The following WWOX variants were observed in gnomAD, a reference collection of about 807,000 sequenced individuals.
WWOX encodes the protein WW domain-containing oxidoreductase.
Under a neutral mutation model 46.2 loss-of-function variants are expected in WWOX, and 69 were observed. That is an observed-to-expected ratio of 1.49 (90% confidence interval 1.23 to 1.82). The LOEUF is 1.82. WWOX is among the 40% of genes most tolerant of loss of function. WWOX has a pLI of 0.00. For missense variants in WWOX, 919 were observed against 542.6 expected (o/e 1.69, Z -6.89); for synonymous variants, 359 against 202.6 (o/e 1.77, Z -6.56).
intron 5 of WWOX, among the ~76,000 whole-genome samples, chr16:78,381,616 T>C (rs1567538323): frequency 6.6e-6 from 1 of 152,206 alleles, no homozygotes; most frequent in Non-Finnish European, 1.5e-5. Context: ...TTGCCTGAGA[T>C]AAGCTTGTAC....
chr16:78,332,587 T>G (rs1443073668), intron 5 of WWOX, among the ~76,000 whole-genome samples: 1 of 152,218 alleles, frequency 6.6e-6, no homozygotes, highest in Non-Finnish European at 1.5e-5. Flanking sequence ...TTTATATAGT[T>G]CAATTAAGCG....
intron 8 of WWOX, among the ~76,000 whole-genome samples, chr16:78,452,549 C>G (rs772372859): frequency 1.4e-5 from 2 of 143,472 alleles, no homozygotes; most frequent in African/African-American, 5.3e-5. Context: ...GATCTTGGCT[C>G]ATTGCAACCT....
intron 8 of WWOX, among the ~76,000 whole-genome samples, chr16:78,736,693 G>A (rs943166884): frequency 6.6e-6 from 1 of 152,066 alleles, no homozygotes; most frequent in African/African-American, 2.4e-5. Context: ...AAACTTCTAG[G>A]CTGAAGTGAT....
At chr16:78,249,831 T>C (rs1454272254) in intron 5 of WWOX, among the ~76,000 whole-genome samples, 1 of 51,742 alleles carries the variant, frequency 1.9e-5, no homozygotes, top group Non-Finnish European at 3.9e-5. Flanking sequence ...GAGATGGCTG[T>C]GGGGTGGGGG....
intron 5 of WWOX, among the ~76,000 whole-genome samples, chr16:78,248,227 A>G (rs1229710465): frequency 1.3e-5 from 2 of 152,132 alleles, no homozygotes; most frequent in African/African-American, 4.8e-5. Flanking sequence ...GAAACTTACA[A>G]TCATGGTGGA....
chr16:78,744,790 A>G (rs1435065585), intron 8 of WWOX, among the ~76,000 whole-genome samples: 2 of 152,146 alleles, frequency 1.3e-5, no homozygotes, highest in Non-Finnish European at 2.9e-5. Flanking sequence ...TATTAATTAC[A>G]AGGGAGATTA....
At chr16:78,839,362 C>G (rs914292051) in intron 8 of WWOX, among the ~76,000 whole-genome samples, 6 of 152,098 alleles carry the variant, frequency 3.9e-5, no homozygotes, top group African/African-American at 1.4e-4. Context: ...CCAACCTTTT[C>G]ATGTCCTCAG....
intron 8 of WWOX, among the ~76,000 whole-genome samples, chr16:79,083,621 T>C (rs2048801806): frequency 6.6e-6 from 1 of 152,208 alleles, no homozygotes; most frequent in African/African-American, 2.4e-5. Flanking sequence ...CAGGCTCTAA[T>C]GCACGATAAG....
intron 5 of WWOX, among the ~76,000 whole-genome samples, chr16:78,363,146 TTGTGTGTG>T (rs60731117): frequency 6.6e-6 from 1 of 150,766 alleles, no homozygotes; most frequent in Non-Finnish European, 1.5e-5. Flanking sequence ...GTGTATGTGT[TTGTGTGTG>T]TGTGTGTGTA....
chr16:79,159,349 C>G (rs530324256), intron 8 of WWOX, among the ~76,000 whole-genome samples: 42 of 152,254 alleles, frequency 2.8e-4, no homozygotes, highest in African/African-American at 9.6e-4. Context: ...ATTTAATTAG[C>G]TAAATGTTCC....
intron 5 of WWOX, among the ~76,000 whole-genome samples, chr16:78,192,491 CAAA>C (rs56109773): frequency 4.6e-5 from 4 of 87,514 alleles, no homozygotes; most frequent in Admixed American, 4.1e-4. Flanking sequence ...GACTCCGTCT[CAAA>C]AAAAAAAAAA....
intron 5 of WWOX, among the ~76,000 whole-genome samples, chr16:78,254,029 G>A (rs569640190): frequency 2.6e-5 from 4 of 152,152 alleles, no homozygotes; most frequent in Non-Finnish European, 4.4e-5. Context: ...ACTTTTGAGA[G>A]GTCTCTGTGT....
At chr16:79,160,117 CG>C (rs2050456526) in intron 8 of WWOX, among the ~76,000 whole-genome samples, 1 of 152,212 alleles carries the variant, frequency 6.6e-6, no homozygotes, top group Non-Finnish European at 1.5e-5. Context: ...TAAATTCACT[CG>C]GCAAGAAGCC....
At chr16:79,003,561 A>C (rs983014364) in intron 8 of WWOX, among the ~76,000 whole-genome samples, 3 of 151,976 alleles carry the variant, frequency 2.0e-5, no homozygotes, top group Non-Finnish European at 4.4e-5. Context: ...CTGTTGATGG[A>C]GGTCATTTAG....
chr16:78,942,411 G>C (rs1047928463), intron 8 of WWOX, among the ~76,000 whole-genome samples: 1 of 152,106 alleles, frequency 6.6e-6, no homozygotes, highest in African/African-American at 2.4e-5. Context: ...GAGCAGTTTT[G>C]AGGACACACT....
intron 5 of WWOX, among the ~76,000 whole-genome samples, chr16:78,177,352 G>C (rs899740858): frequency 6.6e-6 from 1 of 152,172 alleles, no homozygotes; most frequent in Non-Finnish European, 1.5e-5. Context: ...AGTCTAGAAG[G>C]ATTTTGCTAA....
Position 78,329,648 on chromosome 16 carries a change from C to T in WWOX, c.517-57212C>T, listed in dbSNP as rs117432928. On this transcript the variant is annotated intron_variant, in intron 5 of 8. Coordinates refer to ENST00000566780, the MANE Select transcript of WWOX (RefSeq NM_016373.4). ...CCTGCACACGCTTAAGGGAAGAAAC[C>T]GTTGTGGGGAAGCGTGCTCTGTTAT... Among the ~76,000 whole-genome samples, 680 of 152,202 alleles carry T rather than the reference C, an allele frequency of 4.5e-3. 3 individuals are homozygous for T. The highest frequency in any genetic ancestry group is 7.5e-3 in the Non-Finnish European group (507 of 68,000).
intron 8 of WWOX, among the ~76,000 whole-genome samples, chr16:79,065,434 T>A (rs577473062): frequency 6.6e-6 from 1 of 152,196 alleles, no homozygotes; most frequent in Non-Finnish European, 1.5e-5. Context: ...GATGAAATCA[T>A]TGAAGTGTGG....
chr16:79,118,594 A>C (rs867782754), intron 8 of WWOX, among the ~76,000 whole-genome samples: 7 of 152,340 alleles, frequency 4.6e-5, no homozygotes, highest in Middle Eastern at 6.8e-3. Context: ...GAAATGCAAT[A>C]AAATGAGGTA....
Sources: gnomAD v4.1 joint callset for allele counts (sites outside exome capture counted in the v4.1 genomes callset) on GRCh38, gnomAD v4.1.1 for gene constraint, MANE v1.5 for transcripts, NCBI Gene and HGNC (gene_info 2026-07-23, HGNC 2026-07-21) for gene names.